Variants in TSPAN18 observed in about 807,000 individuals in gnomAD.
TSPAN18 encodes tetraspanin-18.
Under a neutral mutation model 27.3 loss-of-function variants are expected in TSPAN18, and 14 were observed. The observed-to-expected ratio is 0.51, with a 90% confidence interval of 0.34 to 0.80. TSPAN18 has a LOEUF of 0.80. TSPAN18 is among the 30% of genes least tolerant of loss of function. The pLI is 0.01. For synonymous variants in TSPAN18, 143 were observed against 136.5 expected (o/e 1.05, Z -0.33); for missense variants, 268 against 323.9 (o/e 0.83, Z 1.32).
intron 2 of TSPAN18, among the ~76,000 whole-genome samples, chr11:44,824,714 T>C (rs1433765325): frequency 6.6e-6 from 1 of 152,252 alleles, no homozygotes; most frequent in Non-Finnish European, 1.5e-5. Flanking sequence ...GTAAACACAC[T>C]GGGCTTCCTG....
chr11:44,825,333 T>C (rs1466129789), intron 2 of TSPAN18, among the ~76,000 whole-genome samples: 2 of 152,160 alleles, frequency 1.3e-5, no homozygotes, highest in Non-Finnish European at 2.9e-5. Flanking sequence ...GCTGACTTTT[T>C]CCCCATTTCA....
chr11:44,919,750 C>T, intron 7 of TSPAN18, 67 bp from the exon 8 acceptor site: 1 of 1,502,220 alleles, frequency 6.7e-7, no homozygotes, highest in Non-Finnish European at 9.3e-7. Context: ...GGCTGTATGT[C>T]CTTCTCTGTC....
intron 8 of TSPAN18, among the ~76,000 whole-genome samples, chr11:44,924,097 T>TGTGTGTGTGTGTGTGTGTGTGTGTGTG: frequency 6.9e-6 from 1 of 145,774 alleles, no homozygotes; most frequent in African/African-American, 2.6e-5. Context: ...CCTTCTGGGG[T>TGTGTGTGTGTGTGTGTGTGTGTGTGTG]TGTGTGTGTG....
chr11:44,806,946 G>A (rs964803215), intron 2 of TSPAN18, among the ~76,000 whole-genome samples: 4 of 152,170 alleles, frequency 2.6e-5, no homozygotes, highest in African/African-American at 9.7e-5. Context: ...TTATCTGAGT[G>A]AGTATTTGAT....
intron 3 of TSPAN18, among the ~76,000 whole-genome samples, chr11:44,888,158 C>G (rs544021851): frequency 6.6e-6 from 1 of 152,106 alleles, no homozygotes; most frequent in Non-Finnish European, 1.5e-5. Flanking sequence ...GCCAACTCCT[C>G]CTCTTCACCA....
chr11:44,910,061 C>T (rs568167640), intron 5 of TSPAN18, among the ~76,000 whole-genome samples, 162 bp downstream of exon 5: 1 of 152,198 alleles, frequency 6.6e-6, no homozygotes, highest in Non-Finnish European at 1.5e-5. Context: ...ACGTCTGACC[C>T]CACTCATTTG....
chr11:44,823,954 T>A (rs1856981825), intron 2 of TSPAN18, among the ~76,000 whole-genome samples: 1 of 152,090 alleles, frequency 6.6e-6, no homozygotes, highest in African/African-American at 2.4e-5. Flanking sequence ...TTATGGAGCT[T>A]ATTTCTTGTC....
intron 3 of TSPAN18, among the ~76,000 whole-genome samples, chr11:44,902,451 T>C (rs984088602): frequency 6.6e-6 from 1 of 152,186 alleles, no homozygotes; most frequent in Non-Finnish European, 1.5e-5. Flanking sequence ...GGAAATGGTA[T>C]CCTGGGGGAC....
At chr11:44,742,088 G>A (rs751144142) in intron 1 of TSPAN18, among the ~76,000 whole-genome samples, 32 of 152,164 alleles carry the variant, frequency 2.1e-4, no homozygotes, top group Non-Finnish European at 1.5e-4. Flanking sequence ...CTATGGAATC[G>A]GGTAGATCAC....
At chr11:44,743,531 C>T (rs945442059) in intron 1 of TSPAN18, among the ~76,000 whole-genome samples, 4 of 152,136 alleles carry the variant, frequency 2.6e-5, no homozygotes, top group Admixed American at 6.5e-5. Flanking sequence ...GGGGAGAAGC[C>T]GAGAATGGCG....
chr11:44,926,618 T>C (rs1860365440), intron 8 of TSPAN18, 56 bp from the exon 9 acceptor site: 3 of 1,524,332 alleles, frequency 2.0e-6, no homozygotes, highest in Non-Finnish European at 2.7e-6. Flanking sequence ...TGCTGGACTC[T>C]GACTCCAGGA....
intron 2 of TSPAN18, among the ~76,000 whole-genome samples, chr11:44,834,577 C>T (rs909447860): frequency 1.3e-5 from 2 of 152,268 alleles, no homozygotes; most frequent in South Asian, 2.1e-4. Flanking sequence ...TCCATTTTCT[C>T]ACTTCTCTAG....
At chr11:44,807,070 AGTACAAG>A (rs1856607839) in intron 2 of TSPAN18, among the ~76,000 whole-genome samples, 1 of 152,022 alleles carries the variant, frequency 6.6e-6, no homozygotes, top group African/African-American at 2.4e-5. Flanking sequence ...AATAAAGGAC[AGTACAAG>A]CCAGGGACAG....
intron 1 of TSPAN18, among the ~76,000 whole-genome samples, chr11:44,727,786 A>AGCGGG (rs1046379099): frequency 1.5e-3 from 231 of 151,284 alleles, no homozygotes; most frequent in Non-Finnish European, 2.8e-3. Context: ...GGTCCCTGGC[A>AGCGGG]GCGGGGCGGG....
intron 8 of TSPAN18, among the ~76,000 whole-genome samples, chr11:44,925,981 A>ATCTCTG (rs1860338101): frequency 6.6e-6 from 1 of 152,030 alleles, no homozygotes; most frequent in Non-Finnish European, 1.5e-5. Flanking sequence ...CTCGATCTCG[A>ATCTCTG]TCTCTGTCTC....
intron 1 of TSPAN18, among the ~76,000 whole-genome samples, chr11:44,743,529 G>C (rs976116498): frequency 3.3e-5 from 5 of 152,212 alleles, no homozygotes; most frequent in African/African-American, 1.2e-4. Flanking sequence ...TTGGGGAGAA[G>C]CCGAGAATGG....
At chr11:44,766,815 T>A (rs1565139711) in intron 2 of TSPAN18, among the ~76,000 whole-genome samples, 1 of 152,178 alleles carries the variant, frequency 6.6e-6, no homozygotes, top group African/African-American at 2.4e-5. Context: ...GCCAGAAGAT[T>A]GGGGGCTGAG....
In TSPAN18 at chr11:44,932,097, G is replaced by T. The variant is rs1860593741; in HGVS notation, c.*2919G>T. 1 of 152,156 alleles carries T rather than the reference G, an allele frequency of 6.6e-6. No homozygotes were observed. Among genetic ancestry groups the T allele is most frequent in the African/African-American group, 2.4e-5 (1 of 41,410 alleles). 9.4% of individuals were successfully genotyped at this position (152,156 alleles called of 1,614,324 possible). A position where few individuals can be genotyped will look rare whatever the true frequency, so the allele number is the denominator to read the frequency against. ...CTCAGGCCTGTCCACAGCCTCCCTT[G>T]TCTATGTCTCTATCCATGCTTAAGG... On this transcript the variant is annotated 3_prime_UTR_variant, in exon 10 of 10. Coordinates refer to ENST00000520358, the MANE Select transcript of TSPAN18 (RefSeq NM_130783.5).
intron 1 of TSPAN18, among the ~76,000 whole-genome samples, chr11:44,754,549 C>G (rs529590053): frequency 6.6e-6 from 1 of 152,208 alleles, no homozygotes; most frequent in African/African-American, 2.4e-5. Flanking sequence ...GTGCTTGTAA[C>G]CTTTGAAAGC....
Sources: gnomAD v4.1 joint callset for allele counts (sites outside exome capture counted in the v4.1 genomes callset) on GRCh38, gnomAD v4.1.1 for gene constraint, MANE v1.5 for transcripts, NCBI Gene and HGNC (gene_info 2026-07-23, HGNC 2026-07-21) for gene names.